PARD3B: variants seen among roughly 807,000 people sequenced by gnomAD.
PARD3B encodes the protein partitioning defective 3 homolog B.
Under a neutral mutation model 130.2 loss-of-function variants are expected in PARD3B, and 103 were observed. The ratio of observed to expected loss-of-function variants is 0.79; its 90% CI spans 0.67 to 0.93. PARD3B has a LOEUF of 0.93. Ranked by LOEUF, PARD3B falls within the 40% of genes least tolerant of loss-of-function variation. PARD3B has a pLI of 0.00. For synonymous variants in PARD3B, 583 were observed against 553.2 expected, an observed-to-expected ratio of 1.05 and a Z score of -0.76; for missense variants, 1,609 against 1,499.2, an observed-to-expected ratio of 1.07 and a Z score of -1.21.
At chr2:205,540,447 T>G (rs2052073567) in intron 21 of PARD3B, among the ~76,000 whole-genome samples, 2 of 152,198 alleles carry the variant, frequency 1.3e-5, no homozygotes, top group South Asian at 4.1e-4. Flanking sequence ...ACACATTCAT[T>G]TTATGTATTT....
At chr2:204,996,622 C>T (rs56223931) in intron 3 of PARD3B, among the ~76,000 whole-genome samples, 70,772 of 149,102 alleles carry the variant, frequency 0.47, 17,495 homozygotes, top group East Asian at 0.83. Flanking sequence ...GTTCGAGCTT[C>T]CCGGCTGCTT....
intron 7 of PARD3B, among the ~76,000 whole-genome samples, chr2:205,120,512 C>G (rs945175318): frequency 2.9e-4 from 44 of 152,158 alleles, no homozygotes; most frequent in Non-Finnish European, 5.3e-4. Context: ...GCTGTGGCTG[C>G]TAGGAACAGA....
At chr2:205,034,919 C>T (rs1349114692) in intron 3 of PARD3B, among the ~76,000 whole-genome samples, 1 of 152,000 alleles carries the variant, frequency 6.6e-6, no homozygotes, top group Non-Finnish European at 1.5e-5. Flanking sequence ...TGCAGTCGTG[C>T]TATCTCAGCT....
intron 19 of PARD3B, among the ~76,000 whole-genome samples, chr2:205,424,115 C>A (rs903889812): frequency 6.6e-6 from 1 of 152,126 alleles, no homozygotes; most frequent in Non-Finnish European, 1.5e-5. Context: ...TAGTTGAATA[C>A]AATATTTTTG....
chr2:204,792,982 C>A (rs575547886), intron 2 of PARD3B, among the ~76,000 whole-genome samples: 8 of 151,986 alleles, frequency 5.3e-5, no homozygotes, highest in Middle Eastern at 3.4e-3. Flanking sequence ...GAATCACTGA[C>A]ATTCTTTTAG....
intron 19 of PARD3B, among the ~76,000 whole-genome samples, chr2:205,425,282 A>C (rs989901509): frequency 6.6e-6 from 1 of 152,194 alleles, no homozygotes; most frequent in Non-Finnish European, 1.5e-5. Flanking sequence ...CATTTCTGAG[A>C]AACTTGTCTA....
intron 2 of PARD3B, among the ~76,000 whole-genome samples, chr2:204,730,448 C>A (rs1186978780): frequency 6.6e-6 from 1 of 151,902 alleles, no homozygotes; most frequent in African/African-American, 2.4e-5. Context: ...TCATATATAG[C>A]AAAATTAGTA....
rs79968901 is a variant in PARD3B, at chr2:205,562,313, T to C, written c.3260+8910T>C. 1.3e-5 allele frequency among the ~76,000 whole-genome samples: 2 copies of C among 152,354 alleles called. No individual in the cohort carries two copies. The highest frequency in any genetic ancestry group is 3.9e-4 in the East Asian group (2 of 5,192). ...ATGAGTTTAGTTAGAATATTAGTGA[T>C]TTAAAACATGTTAAGACTCATACAG... On this transcript the variant is annotated intron_variant, in intron 22 of 22. Transcript: ENST00000406610. The surrounding 1 kb of genome is among the most constrained non-coding windows in gnomAD (Gnocchi z 5.4).
At chr2:204,674,374 C>T (rs1030500248) in intron 1 of PARD3B, among the ~76,000 whole-genome samples, 1 of 152,176 alleles carries the variant, frequency 6.6e-6, no homozygotes, top group African/African-American at 2.4e-5. Flanking sequence ...GATCCCTCTG[C>T]AGCATTCTGG....
At chr2:205,335,897 G>A (rs2043297060) in intron 18 of PARD3B, among the ~76,000 whole-genome samples, 1 of 152,090 alleles carries the variant, frequency 6.6e-6, no homozygotes, top group Non-Finnish European at 1.5e-5. Flanking sequence ...TCACTATCAC[G>A]AGAACAGCAC....
At chr2:204,691,660 G>C (rs1168792656) in intron 2 of PARD3B, among the ~76,000 whole-genome samples, 2 of 152,034 alleles carry the variant, frequency 1.3e-5, no homozygotes, top group African/African-American at 4.8e-5. Context: ...CATATACTGA[G>C]AACTCAAATG....
Position 205,446,515 on chromosome 2 carries a change from C to T in PARD3B, c.3044+5843C>T, listed in dbSNP as rs527497788. On this transcript the variant is annotated intron_variant, in intron 20 of 22. Transcript: ENST00000406610. The surrounding 1 kb of genome is among the most constrained non-coding windows in gnomAD (Gnocchi z 4.4). Reference sequence around the variant, plus strand: ...AAACATACCCTATTTGTCCATATATCTCTGTCACATAGGAACAGATCGTGT... The same window carrying T: ...AAACATACCCTATTTGTCCATATATTTCTGTCACATAGGAACAGATCGTGT... 6.6e-6 allele frequency among the ~76,000 whole-genome samples: 1 copy of T among 152,134 alleles called. No individual in the cohort carries two copies. Among genetic ancestry groups the T allele is most frequent in the Admixed American group, 6.5e-5 (1 of 15,284 alleles).
At chr2:205,201,237 CAT>C (rs1035407063) in intron 15 of PARD3B, among the ~76,000 whole-genome samples, 13 of 152,176 alleles carry the variant, frequency 8.5e-5, no homozygotes, top group Admixed American at 8.5e-4. Flanking sequence ...GAAAGACTCA[CAT>C]ATGTTTAAAA....
chr2:204,805,122 A>G (rs935953452), intron 2 of PARD3B, among the ~76,000 whole-genome samples: 2 of 152,142 alleles, frequency 1.3e-5, no homozygotes, highest in African/African-American at 4.8e-5. Flanking sequence ...CAAAAAAATT[A>G]CAAAAGACCA....
intron 1 of PARD3B, among the ~76,000 whole-genome samples, chr2:204,602,753 A>G (rs543877049): frequency 3.9e-5 from 6 of 152,196 alleles, no homozygotes; most frequent in Admixed American, 3.9e-4. Context: ...ACCTCTTATC[A>G]TGGTTAGAAG....
At chr2:204,872,556 A>G (rs2045670603) in intron 2 of PARD3B, among the ~76,000 whole-genome samples, 1 of 152,026 alleles carries the variant, frequency 6.6e-6, no homozygotes, top group Admixed American at 6.6e-5. Flanking sequence ...CTTGTTATTC[A>G]GTGTGTTTAA....
intron 2 of PARD3B, among the ~76,000 whole-genome samples, chr2:204,868,722 A>T (rs1476207816): frequency 6.6e-6 from 1 of 152,194 alleles, no homozygotes; most frequent in Non-Finnish European, 1.5e-5. Context: ...TAGATAGGTC[A>T]CGAATGTAGT....
chr2:205,044,106 T>G (rs1337527614), intron 3 of PARD3B, among the ~76,000 whole-genome samples: 5 of 152,146 alleles, frequency 3.3e-5, no homozygotes, highest in African/African-American at 1.2e-4. Context: ...GATTTCCAAT[T>G]TGATCCATGT....
Position 205,291,917 on chromosome 2 carries a change from G to A in PARD3B, c.2186-8613G>A, listed in dbSNP as rs1188395665. 2.6e-5 allele frequency among the ~76,000 whole-genome samples: 4 copies of A among 152,196 alleles called. No individual in the cohort carries two copies. Among genetic ancestry groups the A allele is most frequent in the African/African-American group, 7.2e-5 (3 of 41,446 alleles). On this transcript the variant is annotated intron_variant, in intron 16 of 22. Coordinates refer to ENST00000406610, the MANE Select transcript of PARD3B (RefSeq NM_001302769.2). This position sits in a 1 kb window ranked among gnomAD's most constrained non-coding sequence, Gnocchi z 4.6. The stretch of plus-strand genomic sequence containing the variant: ...GGACAATGGAAGAATGACTCTGAAG[G>A]CAATTCAGTGATCATCAGGACAATC...
Sources: allele counts gnomAD v4.1 joint callset (sites outside exome capture counted in the v4.1 genomes callset), GRCh38; gene constraint gnomAD v4.1.1; non-coding constraint Gnocchi (gnomAD v3.1); transcripts MANE v1.5; gene names NCBI Gene and HGNC (gene_info 2026-07-23, HGNC 2026-07-21).